The following MAP2 variants were observed in gnomAD, a reference collection of about 807,000 sequenced individuals.
MAP2 encodes microtubule associated protein 2, also known as microtubule-associated protein 2.
In MAP2, 14 loss-of-function variants were observed where a neutral mutation model predicts 137.6. The ratio of observed to expected loss-of-function variants is 0.10; its 90% confidence interval spans 0.07 to 0.16. MAP2 has a LOEUF of 0.16. Ranked by LOEUF, MAP2 falls within the 10% of genes least tolerant of loss-of-function variation. The probability of loss-of-function intolerance (pLI) is 1.00; values close to 1 mark genes in which losing one functional copy is unlikely to be tolerated. For synonymous variants in MAP2, 786 were observed against 782.3 expected, an observed-to-expected ratio of 1.00 and a Z score of -0.08; for missense variants, 2,088 against 2,191.5, an observed-to-expected ratio of 0.95 and a Z score of 0.94.
chr2:209,726,889 ACTGT>A, intron 14 of MAP2, among the ~76,000 whole-genome samples: 1 of 152,354 alleles, frequency 6.6e-6, no homozygotes, highest in Middle Eastern at 3.4e-3. Flanking sequence ...AATGGTTTTA[ACTGT>A]CTGTGTTTGG....
intron 1 of MAP2, among the ~76,000 whole-genome samples, chr2:209,456,207 G>T (rs1005125326): frequency 2.0e-5 from 3 of 152,162 alleles, no homozygotes; most frequent in African/African-American, 4.8e-5. Context: ...AATCGGAAAG[G>T]ATTTATAAGA....
intron 2 of MAP2, among the ~76,000 whole-genome samples, chr2:209,509,440 A>G (rs2061468082): frequency 6.6e-6 from 1 of 151,976 alleles, no homozygotes; most frequent in African/African-American, 2.4e-5. Flanking sequence ...AGCCTCTCTT[A>G]TTACCAGGTC....
intron 2 of MAP2, among the ~76,000 whole-genome samples, chr2:209,552,485 G>A (rs1223494146): frequency 6.6e-6 from 1 of 151,976 alleles, no homozygotes; most frequent in African/African-American, 2.4e-5. Flanking sequence ...CACCCTTTTT[G>A]CATTTGTGTG....
rs1002409786 is a variant in MAP2, at chr2:209,520,698, T to G, written c.-172+13057T>G. Among the ~76,000 whole-genome samples, 4 of 152,128 alleles carry G rather than the reference T, an allele frequency of 2.6e-5. No homozygotes were observed. The East Asian group carries it at 5.8e-4, about 22-fold the overall frequency. ...TTCTGAGGCCCATTCCTTAGCAAGA[T>G]GAATTCTTTTCCCTTTCATGAGGTC... On this transcript the variant is annotated intron_variant, in intron 2 of 15. Transcript: ENST00000682079.
At chr2:209,664,236 A>T (rs1408581387) in intron 5 of MAP2, among the ~76,000 whole-genome samples, 1 of 152,230 alleles carries the variant, frequency 6.6e-6, no homozygotes, top group East Asian at 1.9e-4. Flanking sequence ...ATGTGCTAAT[A>T]CATATTTTTT....
chr2:209,709,548 G>T (rs907515112), intron 12 of MAP2, among the ~76,000 whole-genome samples: 2 of 151,992 alleles, frequency 1.3e-5, no homozygotes, highest in African/African-American at 4.8e-5. Context: ...AGTAAATATG[G>T]GTCTGCATAC....
intron 1 of MAP2, among the ~76,000 whole-genome samples, chr2:209,505,902 G>A (rs930757043): frequency 1.3e-5 from 2 of 152,074 alleles, no homozygotes; most frequent in South Asian, 4.2e-4. Context: ...AGCCTGGGAG[G>A]TTGAGGCTGT....
At chr2:209,445,977 A>T (rs12694181) in intron 1 of MAP2, among the ~76,000 whole-genome samples, 149,476 of 151,686 alleles carry the variant, frequency 0.99, 73,760 homozygotes, top group Non-Finnish European at 1. Context: ...AAAATCAATG[A>T]TCCATCACAA....
intron 1 of MAP2, among the ~76,000 whole-genome samples, chr2:209,479,613 A>G (rs1708241123): frequency 6.6e-6 from 1 of 152,134 alleles, no homozygotes; most frequent in African/African-American, 2.4e-5. Flanking sequence ...AAGGCGAGAT[A>G]TATGAATAAG....
At chr2:209,700,455 G>A in intron 11 of MAP2, 117 bp downstream of exon 11, 2 of 789,922 alleles carry the variant, frequency 2.5e-6, no homozygotes, top group Admixed American at 2.6e-5. Context: ...ACTTTAAATA[G>A]TTCGCTCACC....
At chr2:209,687,089 T>C (rs1489382673) in intron 7 of MAP2, among the ~76,000 whole-genome samples, 1 of 151,754 alleles carries the variant, frequency 6.6e-6, no homozygotes, top group African/African-American at 2.4e-5. Flanking sequence ...TGCGCATTTC[T>C]TATTAAGGCA....
chr2:209,627,770 C>G (rs916691320), intron 4 of MAP2, among the ~76,000 whole-genome samples: 4 of 152,024 alleles, frequency 2.6e-5, no homozygotes, highest in Non-Finnish European at 5.9e-5. Context: ...CTATTGAAAA[C>G]CACGAAGATT....
intron 1 of MAP2, among the ~76,000 whole-genome samples, chr2:209,474,577 T>C (rs1279708654): frequency 6.6e-6 from 1 of 151,998 alleles, no homozygotes; most frequent in East Asian, 1.9e-4. Context: ...ATCAGTATTG[T>C]TATAAGAAAG....
chr2:209,594,778 G>A (rs751055911), intron 3 of MAP2, among the ~76,000 whole-genome samples: 4 of 151,972 alleles, frequency 2.6e-5, no homozygotes, highest in African/African-American at 4.8e-5. Flanking sequence ...CTACCTGGTT[G>A]GAAAAATTCC....
chr2:209,435,199 A>G (rs1695612824), intron 1 of MAP2, among the ~76,000 whole-genome samples: 1 of 151,414 alleles, frequency 6.6e-6, no homozygotes, highest in African/African-American at 2.4e-5. Context: ...GTTCTCCTCT[A>G]GTTGACAGTC....
At chr2:209,710,508 T>C (rs1386993200) in intron 13 of MAP2, 1 of 439,592 alleles carries the variant, frequency 2.3e-6, no homozygotes, top group Non-Finnish European at 4.1e-6. Context: ...ACTAACTTTT[T>C]TTTTTTCTGA....
intron 1 of MAP2, among the ~76,000 whole-genome samples, chr2:209,460,052 G>T (rs1165527603): frequency 6.6e-6 from 1 of 152,166 alleles, no homozygotes; most frequent in African/African-American, 2.4e-5. Context: ...ATTCAGCTAA[G>T]TGGGGTAAAA....
chr2:209,571,881 C>T (rs906302509), intron 2 of MAP2, among the ~76,000 whole-genome samples: 1 of 151,916 alleles, frequency 6.6e-6, no homozygotes, highest in African/African-American at 2.4e-5. Context: ...TTCTTTCTCT[C>T]TCTCCATTTA....
In MAP2 at chr2:209,424,473, C is replaced by A. The variant is rs13400179; in HGVS notation, c.-222+197C>A. Among the ~76,000 whole-genome samples, 796 of 152,284 alleles carry A rather than the reference C, an allele frequency of 5.2e-3. 9 individuals are homozygous for A. The highest frequency in any genetic ancestry group is 0.018 in the African/African-American group (759 of 41,550). ...GGCCTGTCCTCTCCAGGTGTCACTG[C>A]GGAGCAGGGGGCCGGACGCTACTGG... On this transcript the variant is annotated intron_variant, in intron 1 of 15. Transcript: ENST00000682079.
Sources: gnomAD v4.1 joint callset for allele counts (sites outside exome capture counted in the v4.1 genomes callset) on GRCh38, gnomAD v4.1.1 for gene constraint, MANE v1.5 for transcripts, NCBI Gene and HGNC (gene_info 2026-07-23, HGNC 2026-07-21) for gene names.